GABRB2: variants seen among roughly 807,000 people sequenced by gnomAD.
GABRB2 encodes the protein gamma-aminobutyric acid receptor subunit beta-2.
Under a neutral mutation model 54.7 loss-of-function variants are expected in GABRB2, and 16 were observed. That is an observed-to-expected ratio of 0.29 (90% CI 0.20 to 0.44). GABRB2 has a LOEUF of 0.44. GABRB2 is among the 20% of genes least tolerant of loss of function. The pLI, the probability that GABRB2 is intolerant of heterozygous loss-of-function variation, is 1.00. For missense variants in GABRB2, 355 were observed against 644.0 expected, an observed-to-expected ratio of 0.55 and a Z score of 4.86; for synonymous variants, 244 against 233.8, an observed-to-expected ratio of 1.04 and a Z score of -0.40.
At chr5:161,515,257 A>G (rs1759901237) in intron 3 of GABRB2, among the ~76,000 whole-genome samples, 1 of 152,032 alleles carries the variant, frequency 6.6e-6, no homozygotes, top group South Asian at 2.1e-4. Flanking sequence ...GGTAAATAAA[A>G]GTAAAAAGGG....
chr5:161,426,742 A>G (rs1375086739), intron 4 of GABRB2, among the ~76,000 whole-genome samples: 1 of 152,190 alleles, frequency 6.6e-6, no homozygotes, highest in Non-Finnish European at 1.5e-5. Context: ...AAGGGTATAA[A>G]TACTCATGTT....
intron 8 of GABRB2, among the ~76,000 whole-genome samples, chr5:161,328,433 A>G (rs1373854696): frequency 1.3e-5 from 2 of 152,244 alleles, no homozygotes; most frequent in African/African-American, 4.8e-5. Context: ...AATTATGTTC[A>G]TGAGTAACTT....
chr5:161,532,473 G>A (rs527435537), intron 3 of GABRB2, among the ~76,000 whole-genome samples: 3 of 152,050 alleles, frequency 2.0e-5, no homozygotes, highest in Admixed American at 6.6e-5. Context: ...CTACTGACTC[G>A]GATTCTGGTG....
intron 6 of GABRB2, 54 bp from the exon 7 acceptor site, chr5:161,334,958 T>C: frequency 6.4e-7 from 1 of 1,570,412 alleles, no homozygotes; most frequent in Non-Finnish European, 8.7e-7. Flanking sequence ...TATAGGATAC[T>C]TTTCTTTAAA....
At chr5:161,304,118 G>C (rs552390865) in intron 9 of GABRB2, among the ~76,000 whole-genome samples, 1 of 152,128 alleles carries the variant, frequency 6.6e-6, no homozygotes, top group Non-Finnish European at 1.5e-5. Context: ...ATATAAGAAC[G>C]TGAAGCAGGT....
At chr5:161,379,346 T>G (rs943053037) in intron 5 of GABRB2, among the ~76,000 whole-genome samples, 1 of 152,168 alleles carries the variant, frequency 6.6e-6, no homozygotes, top group Non-Finnish European at 1.5e-5. Flanking sequence ...CTCCTTAATA[T>G]TCCAAGAATT....
chr5:161,407,079 T>C (rs1756368751), intron 5 of GABRB2, among the ~76,000 whole-genome samples: 1 of 152,116 alleles, frequency 6.6e-6, no homozygotes, highest in Non-Finnish European at 1.5e-5. Flanking sequence ...TTTAGTTATT[T>C]GAGCAGCTTA....
At chr5:161,545,617 A>C (rs1050595754) in intron 2 of GABRB2, among the ~76,000 whole-genome samples, 3 of 152,012 alleles carry the variant, frequency 2.0e-5, no homozygotes, top group Admixed American at 6.6e-5. Flanking sequence ...AGGGATTTTT[A>C]TATTTTGCGC....
At chr5:161,443,548 C>T (rs1250557749) in intron 4 of GABRB2, among the ~76,000 whole-genome samples, 1 of 152,180 alleles carries the variant, frequency 6.6e-6, no homozygotes, top group African/African-American at 2.4e-5. Flanking sequence ...TAAGTCAGTC[C>T]AGAGTTTGAG....
chr5:161,468,406 T>A (rs1758338985), intron 3 of GABRB2, among the ~76,000 whole-genome samples: 1 of 152,012 alleles, frequency 6.6e-6, no homozygotes, highest in Non-Finnish European at 1.5e-5. Flanking sequence ...TCCTTCAGAC[T>A]TCGTCTTAAC....
intron 5 of GABRB2, among the ~76,000 whole-genome samples, chr5:161,336,979 T>C (rs541787515): frequency 3.9e-4 from 60 of 152,226 alleles, no homozygotes; most frequent in African/African-American, 1.4e-3. Flanking sequence ...TAGGGTAGTA[T>C]AATTAGGCCC....
chr5:161,307,174 A>T (rs1335408470), intron 9 of GABRB2, among the ~76,000 whole-genome samples: 2 of 152,116 alleles, frequency 1.3e-5, no homozygotes, highest in South Asian at 4.1e-4. Flanking sequence ...CCTCAGTTCA[A>T]ATTCTTTTTT....
chr5:161,362,504 G>T, intron 5 of GABRB2, among the ~76,000 whole-genome samples: 1 of 152,206 alleles, frequency 6.6e-6, no homozygotes, highest in Non-Finnish European at 1.5e-5. Flanking sequence ...AAAAGCAATG[G>T]CAACAAAAGC....
intron 4 of GABRB2, among the ~76,000 whole-genome samples, chr5:161,449,406 C>T (rs1300976390): frequency 6.6e-6 from 1 of 152,114 alleles, no homozygotes; most frequent in Non-Finnish European, 1.5e-5. Context: ...CTTTGAATGT[C>T]TTTATCTAAT....
At chr5:161,443,836 T>C (rs1334402047) in intron 4 of GABRB2, among the ~76,000 whole-genome samples, 1 of 152,108 alleles carries the variant, frequency 6.6e-6, no homozygotes, top group Non-Finnish European at 1.5e-5. Context: ...GACCAATGAG[T>C]AGAGCAGTAA....
chr5:161,346,865 C>T (rs1029919740), intron 5 of GABRB2, among the ~76,000 whole-genome samples: 3 of 151,862 alleles, frequency 2.0e-5, no homozygotes, highest in Non-Finnish European at 4.4e-5. Context: ...AAACAGAGAT[C>T]ATTCATTCTT....
chr5:161,336,369 T>C (rs888842017), intron 6 of GABRB2, among the ~76,000 whole-genome samples: 12 of 152,148 alleles, frequency 7.9e-5, no homozygotes, highest in Non-Finnish European at 1.3e-4. Context: ...TTTCTCTTCC[T>C]GTATTCTTTC....
chr5:161,366,786 T>C (rs1241733875), intron 5 of GABRB2, among the ~76,000 whole-genome samples: 2 of 151,924 alleles, frequency 1.3e-5, no homozygotes, highest in African/African-American at 2.4e-5. Context: ...TCTCTACTAA[T>C]AAATACAAAA....
chr5:161,477,687 T>A (rs923685782), intron 3 of GABRB2, among the ~76,000 whole-genome samples: 3 of 151,960 alleles, frequency 2.0e-5, no homozygotes, highest in African/African-American at 7.2e-5. Flanking sequence ...AACATTATGC[T>A]AAGTGAAATA....
Sources: allele counts gnomAD v4.1 joint callset (sites outside exome capture counted in the v4.1 genomes callset), GRCh38; gene constraint gnomAD v4.1.1; transcripts MANE v1.5; gene names NCBI Gene and HGNC (gene_info 2026-07-23, HGNC 2026-07-21).